Variants in PLCE1 observed in about 807,000 individuals in gnomAD.
The protein encoded by PLCE1 is phospholipase C epsilon 1, also known as 1-phosphatidylinositol 4,5-bisphosphate phosphodiesterase epsilon-1.
Under a neutral mutation model 242.8 loss-of-function variants are expected in PLCE1, and 119 were observed. The observed-to-expected ratio is 0.49, with a 90% CI of 0.42 to 0.57. The LOEUF (loss-of-function observed/expected upper bound fraction) is 0.57. Among genes scored for constraint, PLCE1 ranks in the 20% least tolerant of loss-of-function variants. The pLI, the probability that PLCE1 is intolerant of heterozygous loss-of-function variation, is 0.00. For synonymous variants in PLCE1, 945 were observed against 1,017.4 expected, an observed-to-expected ratio of 0.93 and a Z score of 1.35; for missense variants, 2,441 against 2,788.8, an observed-to-expected ratio of 0.88 and a Z score of 2.81.
chr10:94,187,876 A>G (rs191700154), intron 4 of PLCE1, among the ~76,000 whole-genome samples: 3 of 152,330 alleles, frequency 2.0e-5, no homozygotes, highest in Admixed American at 2.0e-4. Flanking sequence ...GGTGGAAAAC[A>G]TGCCGGACTG....
intron 32 of PLCE1, among the ~76,000 whole-genome samples, chr10:94,327,195 T>C (rs1438745891): frequency 6.6e-6 from 1 of 152,196 alleles, no homozygotes; most frequent in African/African-American, 2.4e-5. Context: ...CTTATAGTCA[T>C]TGGTGCATCT....
intron 2 of PLCE1, among the ~76,000 whole-genome samples, chr10:94,078,973 G>A (rs2044581398): frequency 6.6e-6 from 1 of 152,140 alleles, no homozygotes; most frequent in Admixed American, 6.5e-5. Flanking sequence ...CTGGGAAGAG[G>A]CAGAACCCAA....
intron 4 of PLCE1, among the ~76,000 whole-genome samples, chr10:94,201,876 A>T (rs1277244234): frequency 6.6e-6 from 1 of 152,216 alleles, no homozygotes; most frequent in Non-Finnish European, 1.5e-5. Flanking sequence ...TGAGATACCC[A>T]GTGAAAAAGA....
chr10:94,263,568 T>C (rs1218906599), intron 14 of PLCE1, among the ~76,000 whole-genome samples: 1 of 150,706 alleles, frequency 6.6e-6, no homozygotes, highest in Non-Finnish European at 1.5e-5. Context: ...GGTCCACGCT[T>C]ATAATCCCAG....
At position 94,298,356 on chromosome 10, in the gene PLCE1, G is replaced by A. The variant is rs761938799; in HGVS notation, c.5168-23G>A. 7.4e-6 allele frequency: 12 copies of A among 1,611,072 alleles called. No individual in the cohort carries two copies. Among genetic ancestry groups the A allele is most frequent in the East Asian group, 2.2e-5 (1 of 44,878 alleles). On this transcript the variant is annotated intron_variant, in intron 23 of 32. Coordinates refer to ENST00000371380, the MANE Select transcript of PLCE1 (RefSeq NM_016341.4). The surrounding 1 kb of genome is among the most constrained non-coding windows in gnomAD (Gnocchi z 5.2). ...TTTAAAGTTTTCTACACTAATCTGC[G>A]GCTAATTTCTTGGGGGGTTTAGGTT...
chr10:94,144,280 C>T (rs74151067), intron 3 of PLCE1, among the ~76,000 whole-genome samples: 4 of 152,212 alleles, frequency 2.6e-5, no homozygotes, highest in African/African-American at 9.6e-5. Flanking sequence ...TCAGGGATCC[C>T]GTGTACTGAC....
chr10:94,067,161 CCTT>C lies in PLCE1; in HGVS notation c.1206+34916_1206+34918del, dbSNP rs547579767. Reference sequence around the variant, plus strand: ...GACCCTGTTACCTCAGATATTCTCTCCTTCTTCTTGATCTCTGCTGGATCTTCC... The same window carrying C: ...GACCCTGTTACCTCAGATATTCTCTCCTTCTTGATCTCTGCTGGATCTTCC... On this transcript the variant is annotated intron_variant, in intron 2 of 32. Transcript: ENST00000371380. 1.4e-4 allele frequency among the ~76,000 whole-genome samples: 21 copies of C among 152,306 alleles called. No homozygotes were observed. The East Asian group carries it at 2.5e-3, about 18-fold the overall frequency.
At chr10:94,239,117 C>T (rs2050416453) in intron 7 of PLCE1, among the ~76,000 whole-genome samples, 1 of 152,128 alleles carries the variant, frequency 6.6e-6, no homozygotes, top group Admixed American at 6.5e-5. Flanking sequence ...ACTATAAGTG[C>T]CAATATAGAT....
intron 2 of PLCE1, among the ~76,000 whole-genome samples, chr10:94,069,776 A>G (rs1014818751): frequency 2.6e-5 from 4 of 152,220 alleles, no homozygotes; most frequent in African/African-American, 9.6e-5. Flanking sequence ...TTTTGACAGC[A>G]TCTGAGACAA....
chr10:94,072,723 T>G (rs1336581677), intron 2 of PLCE1, among the ~76,000 whole-genome samples: 1 of 152,230 alleles, frequency 6.6e-6, no homozygotes, highest in African/African-American at 2.4e-5. Context: ...GATACTTACT[T>G]ATTTTTTGTT....
At chr10:94,003,622 G>T (rs1196343519) in intron 1 of PLCE1, among the ~76,000 whole-genome samples, 1 of 152,090 alleles carries the variant, frequency 6.6e-6, no homozygotes, top group African/African-American at 2.4e-5. Flanking sequence ...GCTCCTGAGT[G>T]TGCATAGATT....
At chr10:94,049,595 G>GTC (rs539887404) in intron 2 of PLCE1, among the ~76,000 whole-genome samples, 64 of 151,370 alleles carry the variant, frequency 4.2e-4, no homozygotes, top group Non-Finnish European at 5.4e-4. Context: ...CTGTCTGTCT[G>GTC]TCTGTCTCTC....
chr10:94,014,659 A>C (rs1218523632), intron 1 of PLCE1, among the ~76,000 whole-genome samples: 1 of 152,228 alleles, frequency 6.6e-6, no homozygotes, highest in Non-Finnish European at 1.5e-5. Context: ...TGCCATTTTT[A>C]AAGCCCCGAT....
intron 4 of PLCE1, among the ~76,000 whole-genome samples, chr10:94,189,119 G>T (rs911696020): frequency 3.3e-5 from 5 of 150,836 alleles, no homozygotes; most frequent in African/African-American, 1.2e-4. Context: ...GGCTGAAGAA[G>T]TCCAGTCATA....
chr10:94,003,930 G>C (rs944418875), intron 1 of PLCE1, among the ~76,000 whole-genome samples: 5 of 152,142 alleles, frequency 3.3e-5, no homozygotes, highest in Non-Finnish European at 5.9e-5. Flanking sequence ...GGTGGATCAT[G>C]AGGTCAGGAG....
chr10:94,228,217 A>T (rs2050014437), intron 5 of PLCE1, among the ~76,000 whole-genome samples: 1 of 136,894 alleles, frequency 7.3e-6, no homozygotes, highest in African/African-American at 2.8e-5. Flanking sequence ...TTTTAGCCTC[A>T]GCTACCTGGC....
intron 13 of PLCE1, among the ~76,000 whole-genome samples, chr10:94,259,742 C>T (rs2051231825): frequency 6.6e-6 from 1 of 152,136 alleles, no homozygotes; most frequent in African/African-American, 2.4e-5. Context: ...CCTTTCCCGA[C>T]TATATTAGTC....
chr10:94,154,024 C>A (rs1017890398), intron 3 of PLCE1, among the ~76,000 whole-genome samples: 8 of 151,976 alleles, frequency 5.3e-5, no homozygotes, highest in Non-Finnish European at 1.2e-4. Flanking sequence ...AATAGGGAAC[C>A]CAGAATAGCC....
At chr10:94,058,597 A>G (rs926312466) in intron 2 of PLCE1, among the ~76,000 whole-genome samples, 1 of 152,086 alleles carries the variant, frequency 6.6e-6, no homozygotes, top group Non-Finnish European at 1.5e-5. Context: ...CCCTCCCTTC[A>G]TTGGTCAGGT....
Sources: gnomAD v4.1 joint callset for allele counts (sites outside exome capture counted in the v4.1 genomes callset) on GRCh38, gnomAD v4.1.1 for gene constraint, Gnocchi (gnomAD v3.1) non-coding constraint, MANE v1.5 for transcripts, NCBI Gene and HGNC (gene_info 2026-07-23, HGNC 2026-07-21) for gene names.